The following ABHD2 variants were observed in gnomAD, a reference collection of about 807,000 sequenced individuals.
The protein encoded by ABHD2 is abhydrolase domain containing 2, acylglycerol lipase.
ABHD2 carries 20 observed loss-of-function variants against 48.1 expected under a neutral mutation model. That is an observed-to-expected ratio of 0.42 (90% CI 0.29 to 0.60). The LOEUF is 0.60. ABHD2 is among the 20% of genes least tolerant of loss of function. The pLI is 0.24. For missense variants in ABHD2, 405 were observed against 550.9 expected, an observed-to-expected ratio of 0.74 and a Z score of 2.65; for synonymous variants, 209 against 214.2, an observed-to-expected ratio of 0.98 and a Z score of 0.21.
At chr15:89,161,653 G>A (rs1365373977) in intron 5 of ABHD2, among the ~76,000 whole-genome samples, 1 of 152,046 alleles carries the variant, frequency 6.6e-6, no homozygotes, top group Non-Finnish European at 1.5e-5. Flanking sequence ...CGCCCACCTC[G>A]GCCTCCCAAA....
At chr15:89,110,207 G>C (rs961781034) in intron 1 of ABHD2, among the ~76,000 whole-genome samples, 1 of 151,970 alleles carries the variant, frequency 6.6e-6, no homozygotes, top group Non-Finnish European at 1.5e-5. Context: ...TTACAGGCAC[G>C]TGCCACCATA....
At chr15:89,077,158 GTC>G in the ABHD2 span, among the ~76,000 whole-genome samples, 1 of 152,120 alleles carries the variant, frequency 6.6e-6, no homozygotes, top group Non-Finnish European at 1.5e-5. Flanking sequence ...CCCTTTCCCA[GTC>G]TCTACCACCT....
chr15:89,070,627 C>T, the ABHD2 span, among the ~76,000 whole-genome samples: 2 of 152,142 alleles, frequency 1.3e-5, no homozygotes, highest in Admixed American at 6.5e-5. Flanking sequence ...TGAGGTTCTG[C>T]ATTTCTAACA....
At position 89,168,344 on chromosome 15, in the gene ABHD2, C is replaced by T. The variant is rs900252927; in HGVS notation, c.539-7468C>T. 6.6e-6 allele frequency among the ~76,000 whole-genome samples: 1 copy of T among 152,140 alleles called. No individual in the cohort carries two copies. The highest frequency in any genetic ancestry group is 1.5e-5 in the Non-Finnish European group (1 of 68,032). On this transcript the variant is annotated intron_variant, in intron 5 of 10. Transcript: ENST00000352732. This position sits in a 1 kb window ranked among gnomAD's most constrained non-coding sequence, Gnocchi z 4.8. ...TTATATAGTTACCTAGTGCTAATCC[C>T]ATAAGAATTAAATACATAGAGCCTC...
chr15:89,166,610 G>A lies in ABHD2; in HGVS notation c.539-9202G>A, dbSNP rs1318994688. Among the ~76,000 whole-genome samples, 1 of 151,714 alleles carries A rather than the reference G, an allele frequency of 6.6e-6. No homozygotes were observed. Among genetic ancestry groups the A allele is most frequent in the Admixed American group, 6.6e-5 (1 of 15,206 alleles). On this transcript the variant is annotated intron_variant, in intron 5 of 10. Coordinates refer to ENST00000352732, the MANE Select transcript of ABHD2 (RefSeq NM_152924.5). The surrounding 1 kb of genome is among the most constrained non-coding windows in gnomAD (Gnocchi z 4.6). ...AAAACAAAAATTATCTCTTGGGCTG[G>A]GTACAGTGGCTCACACCTTTAATCA...
rs1304364903 is a variant in ABHD2 at position 89,120,276 on chromosome 15, A to G, written c.194+3755A>G. Among the ~76,000 whole-genome samples the G allele has an allele frequency of 1.3e-5, 2 of 152,194 alleles. No homozygotes were observed. Among genetic ancestry groups the G allele is most frequent in the Non-Finnish European group, 2.9e-5 (2 of 68,036 alleles). ...TTATGTCTCCTGTTCTCTTAGAAAC[A>G]GATCAATATTTACCTAGTGATTCAT... On this transcript the variant is annotated intron_variant, in intron 3 of 10. Coordinates refer to ENST00000352732, the MANE Select transcript of ABHD2 (RefSeq NM_152924.5). This position sits in a 1 kb window ranked among gnomAD's most constrained non-coding sequence, Gnocchi z 4.2.
the ABHD2 span, among the ~76,000 whole-genome samples, chr15:89,052,302 C>T: frequency 1.3e-5 from 2 of 152,214 alleles, no homozygotes; most frequent in Non-Finnish European, 2.9e-5. Flanking sequence ...ATTCTAATTG[C>T]ATTTAATGGC....
chr15:89,185,434 A>G lies in ABHD2; in HGVS notation c.733A>G (p.Thr245Ala). Reference sequence around the variant, plus strand: ...CTGTGGTTCTTCCAGGGCCCAGGAAACCTTCATGCAATGGGATCAGTGCCG... The same window carrying G: ...CTGTGGTTCTTCCAGGGCCCAGGAAGCCTTCATGCAATGGGATCAGTGCCG... ...QGYSALRAQETFMQWDQCRRF... is the reference protein window; with the variant it reads ...QGYSALRAQEAFMQWDQCRRF... The change falls in exon 7 of 11, where the codon ACC becomes GCC. Residue 245 changes from threonine (T) to alanine (A), a missense_variant. By Grantham distance (58) the Thr-to-Ala change is moderately conservative. Transcript: ENST00000352732. This position sits in a 1 kb window ranked among gnomAD's most constrained non-coding sequence, Gnocchi z 5.9. The G allele has an allele frequency of 6.2e-7, 1 of 1,613,980 alleles. No individual in the cohort carries two copies. Among genetic ancestry groups the G allele is most frequent in the African/African-American group, 1.3e-5 (1 of 74,994 alleles).
intron 3 of ABHD2, among the ~76,000 whole-genome samples, chr15:89,121,970 G>T: frequency 6.6e-6 from 1 of 152,094 alleles, no homozygotes; most frequent in Non-Finnish European, 1.5e-5. Context: ...GGGACTACAG[G>T]TGGGCACCAC....
Position 89,182,220 on chromosome 15 carries a change from C to G in ABHD2, c.723-3204C>G, listed in dbSNP as rs985908302. 1.3e-5 allele frequency among the ~76,000 whole-genome samples: 2 copies of G among 152,264 alleles called. No homozygotes were observed. The highest frequency in any genetic ancestry group is 6.5e-5 in the Admixed American group (1 of 15,306). On this transcript the variant is annotated intron_variant, in intron 6 of 10. Coordinates refer to ENST00000352732, the MANE Select transcript of ABHD2 (RefSeq NM_152924.5). This position sits in a 1 kb window ranked among gnomAD's most constrained non-coding sequence, Gnocchi z 4.8. ...TTATCACTTCTTGAGAGTTTTGCAACTTTCAGAAAGCATCTTTCCTTTTGG... is the reference window on the plus strand; with the variant it reads ...TTATCACTTCTTGAGAGTTTTGCAAGTTTCAGAAAGCATCTTTCCTTTTGG...
chr15:89,073,532 G>A, the ABHD2 span, among the ~76,000 whole-genome samples: 2 of 143,858 alleles, frequency 1.4e-5, no homozygotes, highest in African/African-American at 2.7e-5. Context: ...CCTGACCTCA[G>A]GTGATCCACC....
At chr15:89,119,872 AG>A (rs1321325595) in intron 3 of ABHD2, among the ~76,000 whole-genome samples, 3 of 152,220 alleles carry the variant, frequency 2.0e-5, no homozygotes, top group Admixed American at 6.5e-5. Flanking sequence ...GTCTGTTATG[AG>A]GGAAAGTGCT....
intron 3 of ABHD2, among the ~76,000 whole-genome samples, chr15:89,131,591 G>A (rs2150845548): frequency 6.6e-6 from 1 of 152,270 alleles, no homozygotes; most frequent in Non-Finnish European, 1.5e-5. Flanking sequence ...GTCCCCTAGA[G>A]TCTGGAGACA....
chr15:89,185,365 C>A lies in ABHD2; in HGVS notation c.723-59C>A. The A allele has an allele frequency of 6.9e-7, 1 of 1,443,532 alleles. No individual in the cohort carries two copies. The highest frequency in any genetic ancestry group is 2.3e-5 in the East Asian group (1 of 43,904). 89.4% of individuals were successfully genotyped at this position (1,443,532 alleles called of 1,614,324 possible). ...CTCACCCCATGGCTAGAGCCCCCTCCTGGCTGCCCGCCTGCACCCCCACAC... is the reference window on the plus strand; with the variant it reads ...CTCACCCCATGGCTAGAGCCCCCTCATGGCTGCCCGCCTGCACCCCCACAC... On this transcript the variant is annotated intron_variant, in intron 6 of 10. Coordinates refer to ENST00000352732, the MANE Select transcript of ABHD2 (RefSeq NM_152924.5). The surrounding 1 kb of genome is among the most constrained non-coding windows in gnomAD (Gnocchi z 5.9).
chr15:89,070,819 C>A, the ABHD2 span, among the ~76,000 whole-genome samples: 22,076 of 152,086 alleles, frequency 0.15, 1,830 homozygotes, highest in South Asian at 0.26. Flanking sequence ...GGCCCCCTAT[C>A]CTGGGGATAG....
intron 3 of ABHD2, among the ~76,000 whole-genome samples, chr15:89,131,277 A>C (rs906324610): frequency 3.3e-5 from 5 of 152,146 alleles, no homozygotes; most frequent in African/African-American, 1.2e-4. Flanking sequence ...CTCATACTGC[A>C]TGTTCTCTCT....
intron 3 of ABHD2, among the ~76,000 whole-genome samples, chr15:89,147,934 T>C (rs1028630138): frequency 2.0e-5 from 3 of 151,016 alleles, no homozygotes; most frequent in Admixed American, 1.3e-4. Flanking sequence ...CTGGCCAACA[T>C]GGTAAAACCC....
At chr15:89,143,717 A>G (rs2050445838) in intron 3 of ABHD2, among the ~76,000 whole-genome samples, 2 of 152,076 alleles carry the variant, frequency 1.3e-5, no homozygotes. Flanking sequence ...TTAATTTTAG[A>G]CATAGAGATG....
chr15:89,151,998 A>C lies in ABHD2; in HGVS notation c.370+146A>C. On this transcript the variant is annotated intron_variant, in intron 4 of 10. Transcript: ENST00000352732. This position sits in a 1 kb window ranked among gnomAD's most constrained non-coding sequence, Gnocchi z 4.7. ...GGAAGCCTGCTGGGATTCGTCACTT[A>C]GGAGCAGCCTGCAAAGGTTAGCTTC... is the stretch of plus-strand genomic sequence containing the variant. 9.9e-7 allele frequency: 1 copy of C among 1,006,658 alleles called. No individual in the cohort carries two copies. The highest frequency in any genetic ancestry group is 2.6e-5 in the Admixed American group (1 of 38,258). 62.4% of individuals were successfully genotyped at this position (1,006,658 alleles called of 1,614,324 possible).
Sources: gnomAD v4.1 joint callset for allele counts (sites outside exome capture counted in the v4.1 genomes callset) on GRCh38, gnomAD v4.1.1 for gene constraint, Gnocchi (gnomAD v3.1) non-coding constraint, MANE v1.5 for transcripts, NCBI Gene and HGNC (gene_info 2026-07-23, HGNC 2026-07-21) for gene names.